Variants in NTRK2 observed in about 807,000 individuals in gnomAD.
NTRK2 encodes BDNF/NT-3 growth factors receptor.
NTRK2 carries 13 observed loss-of-function variants against 94.5 expected under a neutral mutation model. The observed-to-expected ratio is 0.14, with a 90% CI of 0.09 to 0.22. The LOEUF is 0.22. Among genes scored for constraint, NTRK2 ranks in the 10% least tolerant of loss-of-function variants. NTRK2 has a pLI of 1.00. For missense variants in NTRK2, 639 were observed against 1,071.2 expected, an observed-to-expected ratio of 0.60 and a Z score of 5.63; for synonymous variants, 372 against 407.4, an observed-to-expected ratio of 0.91 and a Z score of 1.05.
chr9:84,873,823 T>G (rs1183842378), intron 14 of NTRK2: 2 of 1,057,320 alleles, frequency 1.9e-6, no homozygotes, highest in African/African-American at 3.3e-5. Flanking sequence ...TACTTAGACC[T>G]CCTAGAGGAA....
intron 14 of NTRK2, chr9:84,877,004 A>G (rs986884599): frequency 9.4e-7 from 1 of 1,061,962 alleles, no homozygotes; most frequent in Non-Finnish European, 1.1e-6. Context: ...TTGGTGATAC[A>G]TAGCTATGCC....
At chr9:84,973,931 G>C (rs1425515559) in intron 17 of NTRK2, among the ~76,000 whole-genome samples, 1 of 152,126 alleles carries the variant, frequency 6.6e-6, no homozygotes, top group Non-Finnish European at 1.5e-5. Context: ...GTACAGTTTT[G>C]CTCAATGGTA....
intron 14 of NTRK2, among the ~76,000 whole-genome samples, chr9:84,897,424 T>TGCACCTGGCCTTGAGCCCCC (rs1333489211): frequency 6.6e-6 from 1 of 152,200 alleles, no homozygotes; most frequent in Non-Finnish European, 1.5e-5. Context: ...CGTGAGCCAC[T>TGCACCTGGCCTTGAGCCCCC]GCACCTGGCC....
chr9:84,897,556 C>A (rs1028456363), intron 14 of NTRK2, among the ~76,000 whole-genome samples: 1 of 152,216 alleles, frequency 6.6e-6, no homozygotes, highest in Admixed American at 6.5e-5. Context: ...TCATGATGGT[C>A]CCCTGCCTGT....
chr9:84,989,443 A>G (rs1199409988), intron 17 of NTRK2, among the ~76,000 whole-genome samples: 1 of 152,324 alleles, frequency 6.6e-6, no homozygotes. Context: ...ATGTGAGAGG[A>G]TACCTCAAAA....
intron 14 of NTRK2, among the ~76,000 whole-genome samples, chr9:84,893,351 C>T (rs563734025): frequency 3.3e-5 from 5 of 152,254 alleles, no homozygotes; most frequent in East Asian, 1.9e-4. Context: ...GTAAGTGCAC[C>T]TCTTTGTGCT....
intron 6 of NTRK2, among the ~76,000 whole-genome samples, chr9:84,723,052 G>T (rs1165516176): frequency 6.6e-6 from 1 of 152,184 alleles, no homozygotes; most frequent in Non-Finnish European, 1.5e-5. Context: ...AATAGAATGA[G>T]TCTTTCAAAA....
rs1425846609 is a variant in NTRK2, at chr9:84,955,481, G to A, written c.2136G>A (p.Gly712=). 6.8e-6 allele frequency: 11 copies of A among 1,614,124 alleles called. No homozygotes were observed. Among genetic ancestry groups the A allele is most frequent in the Non-Finnish European group, 9.3e-6 (11 of 1,180,048 alleles). Residue 712 remains glycine (G), a synonymous_variant, in exon 17 of 19, where the codon GGG becomes GGA. Transcript: ENST00000277120. The part of the protein sequence containing the change: ...ENLLVKIGDF[G]MSRDVYSTDY... Reference sequence around the variant, plus strand: ...TGCTGGTGAAAATCGGGGACTTTGGGATGTCCCGGGACGTGTACAGCACTG... The same window carrying A: ...TGCTGGTGAAAATCGGGGACTTTGGAATGTCCCGGGACGTGTACAGCACTG...
intron 2 of NTRK2, among the ~76,000 whole-genome samples, chr9:84,678,372 C>T (rs965516441): frequency 7.9e-5 from 12 of 152,178 alleles, no homozygotes; most frequent in African/African-American, 2.9e-4. Context: ...TCAACATAAA[C>T]GAACAATGTA....
At chr9:84,855,964 C>A (rs1587695298) in intron 12 of NTRK2, among the ~76,000 whole-genome samples, 1 of 152,152 alleles carries the variant, frequency 6.6e-6, no homozygotes, top group South Asian at 2.1e-4. Flanking sequence ...TAGAATTTAG[C>A]CATCTGGCCA....
rs559651793 is a variant in NTRK2 at position 85,024,804 on chromosome 9, G to A, written c.*3367G>A. Reference sequence around the variant, plus strand: ...TACACTGAACCAATGTCATAATCAGGCTTATTTAGAAAACACTTTGAACTA... The same window carrying A: ...TACACTGAACCAATGTCATAATCAGACTTATTTAGAAAACACTTTGAACTA... On this transcript the variant is annotated 3_prime_UTR_variant, in exon 19 of 19. Transcript: ENST00000277120. 1.7e-5 allele frequency: 4 copies of A among 232,756 alleles called. No individual in the cohort carries two copies. Among genetic ancestry groups the A allele is most frequent in the East Asian group, 6.1e-5 (1 of 16,498 alleles). The allele number at this position is 232,756 out of a possible 1,614,324, so 14.4% of individuals were successfully genotyped here. A position where few individuals can be genotyped will look rare whatever the true frequency, so the allele number is the denominator to read the frequency against.
At chr9:84,934,339 G>T (rs2304984) in intron 15 of NTRK2, 47 bp downstream of exon 15, 3 of 1,607,294 alleles carry the variant, frequency 1.9e-6, no homozygotes, top group African/African-American at 2.7e-5. Flanking sequence ...TCACACTTAC[G>T]TGTGGAAATT....
chr9:84,850,173 TCAAAGA>T (rs1487295991), intron 12 of NTRK2, among the ~76,000 whole-genome samples: 1 of 151,680 alleles, frequency 6.6e-6, no homozygotes. Flanking sequence ...AGTTTAATGG[TCAAAGA>T]CAAAGCATGG....
At chr9:84,813,078 AATG>A in intron 12 of NTRK2, 1 of 1,039,742 alleles carries the variant, frequency 9.6e-7, no homozygotes, top group Non-Finnish European at 1.2e-6. Flanking sequence ...AGAGCTTCCT[AATG>A]CATGTGTTGC....
At chr9:84,804,532 A>G (rs1035633797) in intron 12 of NTRK2, among the ~76,000 whole-genome samples, 3 of 152,214 alleles carry the variant, frequency 2.0e-5, no homozygotes, top group Admixed American at 1.3e-4. Context: ...CAGATTTTAT[A>G]TAGTTATAGG....
chr9:84,720,624 A>G (rs1375702803), intron 6 of NTRK2, among the ~76,000 whole-genome samples: 1 of 152,204 alleles, frequency 6.6e-6, no homozygotes, highest in Non-Finnish European at 1.5e-5. Flanking sequence ...ATAATTGAGG[A>G]AAGCTTATAA....
At chr9:84,812,842 A>G in intron 12 of NTRK2, 6 of 1,036,438 alleles carry the variant, frequency 5.8e-6, no homozygotes, top group Non-Finnish European at 7.0e-6. Context: ...AAATGGAGAG[A>G]AGTGGACAGA....
intron 17 of NTRK2, among the ~76,000 whole-genome samples, chr9:84,967,544 T>C (rs1250861440): frequency 6.6e-6 from 1 of 152,274 alleles, no homozygotes; most frequent in Non-Finnish European, 1.5e-5. Context: ...CTTCCCTACA[T>C]GGCATTTCCA....
intron 14 of NTRK2, among the ~76,000 whole-genome samples, chr9:84,905,057 G>A (rs542016155): frequency 2.0e-5 from 3 of 152,234 alleles, no homozygotes; most frequent in South Asian, 4.1e-4. Flanking sequence ...GAAGGCACAC[G>A]GTGGCCTGCA....
Sources: allele counts gnomAD v4.1 joint callset (sites outside exome capture counted in the v4.1 genomes callset), GRCh38; gene constraint gnomAD v4.1.1; transcripts MANE v1.5; gene names NCBI Gene and HGNC (gene_info 2026-07-23, HGNC 2026-07-21).